PLCL1: variants seen among roughly 807,000 people sequenced by gnomAD.
PLCL1 encodes the protein inactive phospholipase C-like protein 1.
Under a neutral mutation model 84.4 loss-of-function variants are expected in PLCL1, and 41 were observed. The ratio of observed to expected loss-of-function variants is 0.49; its 90% CI spans 0.38 to 0.63. The LOEUF is 0.63. PLCL1 is among the 30% of genes least tolerant of loss of function. PLCL1 has a pLI of 0.00. For missense variants in PLCL1, 1,206 were observed against 1,367.8 expected (o/e 0.88, Z 1.87); for synonymous variants, 490 against 488.3 (o/e 1.00, Z -0.05).
intron 1 of PLCL1, among the ~76,000 whole-genome samples, chr2:197,999,769 G>C (rs1434862645): frequency 1.3e-5 from 2 of 152,170 alleles, no homozygotes; most frequent in Admixed American, 6.5e-5. Flanking sequence ...TGCATATATA[G>C]ATGTGGCTAT....
intron 1 of PLCL1, among the ~76,000 whole-genome samples, chr2:197,968,790 G>A (rs759681070): frequency 6.6e-6 from 1 of 152,200 alleles, no homozygotes; most frequent in African/African-American, 2.4e-5. Flanking sequence ...TCAGAACATA[G>A]TGCAGGTATT....
intron 1 of PLCL1, among the ~76,000 whole-genome samples, chr2:197,947,285 A>T (rs1391023152): frequency 6.7e-6 from 1 of 149,970 alleles, no homozygotes; most frequent in Non-Finnish European, 1.5e-5. Context: ...GTATGAGCAA[A>T]ATAGTGCTTC....
intron 1 of PLCL1, among the ~76,000 whole-genome samples, chr2:198,048,920 G>C (rs1021049643): frequency 3.9e-5 from 6 of 152,218 alleles, no homozygotes; most frequent in South Asian, 4.1e-4. Context: ...CAATGAGCAT[G>C]GTTTGTGTAG....
intron 5 of PLCL1, among the ~76,000 whole-genome samples, chr2:198,107,253 G>A (rs1693498183): frequency 6.6e-6 from 1 of 151,852 alleles, no homozygotes. Context: ...AACAGCATGA[G>A]GATAACCTCC....
In PLCL1 at chr2:197,903,276, C is replaced by T. The variant is rs144425851; in HGVS notation, c.240+97937C>T. Among the ~76,000 whole-genome samples, 790 of 152,170 alleles carry T rather than the reference C, an allele frequency of 5.2e-3. 7 individuals are homozygous for T. The highest frequency in any genetic ancestry group is 0.017 in the African/African-American group (723 of 41,494). On this transcript the variant is annotated intron_variant, in intron 1 of 5. Transcript: ENST00000428675. ...AAAGCAGCCACAGACACTATGCAAA[C>T]GCATGGATTTGCTTATGTTTCAATA...
In PLCL1 at chr2:197,983,200, C is replaced by CTTTTTTT. The variant is rs760577848; in HGVS notation, c.241-100525_241-100519dup. Among the ~76,000 whole-genome samples, 72 of 60,268 alleles carry CTTTTTTT rather than the reference C, an allele frequency of 1.2e-3. 6 individuals are homozygous for CTTTTTTT. The highest frequency in any genetic ancestry group is 1.4e-3 in the Non-Finnish European group (48 of 33,142). 39.5% of individuals were successfully genotyped at this position (60,268 alleles called of 152,430 possible). ...TTTCTTTTTCTTTTTCTTTTCTTTTCTTTTTTTTTTTTTTTTTTTTTTTTT... is the reference window on the plus strand; with the variant it reads ...TTTCTTTTTCTTTTTCTTTTCTTTTCTTTTTTTTTTTTTTTTTTTTTTTTTTTTTTTT... On this transcript the variant is annotated intron_variant, in intron 1 of 5. Coordinates refer to ENST00000428675, the MANE Select transcript of PLCL1 (RefSeq NM_006226.4).
chr2:197,835,787 A>T (rs879561407), intron 1 of PLCL1, among the ~76,000 whole-genome samples: 16 of 152,258 alleles, frequency 1.1e-4, no homozygotes, highest in Non-Finnish European at 1.8e-4. Context: ...TATTAGAAAT[A>T]TAGAATGTTC....
At chr2:198,040,639 C>T (rs1344417207) in intron 1 of PLCL1, among the ~76,000 whole-genome samples, 1 of 152,154 alleles carries the variant, frequency 6.6e-6, no homozygotes. Context: ...AGGTTCTCTT[C>T]ATTTGGCCCC....
chr2:198,082,354 GA>G (rs1392647605), intron 1 of PLCL1, among the ~76,000 whole-genome samples: 18 of 152,166 alleles, frequency 1.2e-4, no homozygotes, highest in African/African-American at 4.1e-4. Context: ...TGAGGCAGGA[GA>G]ATCGCTTGAA....
intron 5 of PLCL1, among the ~76,000 whole-genome samples, chr2:198,137,736 C>T (rs1416773208): frequency 2.0e-5 from 3 of 152,208 alleles, no homozygotes; most frequent in African/African-American, 7.2e-5. Context: ...TCCTAGTCCT[C>T]ACAGCAATAC....
At chr2:198,043,572 C>G (rs989528794) in intron 1 of PLCL1, among the ~76,000 whole-genome samples, 3 of 152,134 alleles carry the variant, frequency 2.0e-5, no homozygotes, top group African/African-American at 7.2e-5. Flanking sequence ...AGGACCATAG[C>G]GGAGAACCAG....
At chr2:198,098,249 C>A (rs1171745574) in intron 3 of PLCL1, among the ~76,000 whole-genome samples, 1 of 152,184 alleles carries the variant, frequency 6.6e-6, no homozygotes, top group African/African-American at 2.4e-5. Context: ...GCAATAGCTT[C>A]TCCAAAGTTC....
In PLCL1 at chr2:198,147,837, G is replaced by A. The variant is rs1418329096; in HGVS notation, c.*875G>A. 1 of 152,232 alleles carries A rather than the reference G, an allele frequency of 6.6e-6. No individual in the cohort carries two copies. The highest frequency in any genetic ancestry group is 1.5e-5 in the Non-Finnish European group (1 of 68,008). 9.4% of individuals were successfully genotyped at this position (152,232 alleles called of 1,614,324 possible). ...CTCATTCTTCCAAGCTGAGAGTCTAGCACTCATTTTCTATAACAGATATGG... is the reference window on the plus strand; with the variant it reads ...CTCATTCTTCCAAGCTGAGAGTCTAACACTCATTTTCTATAACAGATATGG... On this transcript the variant is annotated 3_prime_UTR_variant, in exon 6 of 6. Coordinates refer to ENST00000428675, the MANE Select transcript of PLCL1 (RefSeq NM_006226.4).
chr2:197,888,720 G>A (rs904902771), intron 1 of PLCL1, among the ~76,000 whole-genome samples: 6 of 152,094 alleles, frequency 3.9e-5, no homozygotes. Context: ...AGAAATTTCT[G>A]TCTTCAATTA....
chr2:198,035,726 A>G (rs539873423), intron 1 of PLCL1, among the ~76,000 whole-genome samples: 25 of 152,388 alleles, frequency 1.6e-4, no homozygotes, highest in Non-Finnish European at 3.5e-4. Flanking sequence ...TTACAATAGA[A>G]TTCCAACAAA....
intron 1 of PLCL1, among the ~76,000 whole-genome samples, chr2:198,014,719 T>A (rs62277902): frequency 0.26 from 39,900 of 152,036 alleles, 6,461 homozygotes; most frequent in East Asian, 0.51. Flanking sequence ...TTTTAAATGA[T>A]TGATTCATGG....
chr2:198,137,546 C>T (rs1302036948), intron 5 of PLCL1, among the ~76,000 whole-genome samples: 1 of 152,134 alleles, frequency 6.6e-6, no homozygotes, highest in Non-Finnish European at 1.5e-5. Flanking sequence ...CTCTCCCATA[C>T]CATGTATATC....
chr2:198,120,905 T>C (rs1055704274), intron 5 of PLCL1, among the ~76,000 whole-genome samples: 3 of 152,108 alleles, frequency 2.0e-5, no homozygotes, highest in South Asian at 2.1e-4. Context: ...TTGTTCTCCA[T>C]AGTGGCTGTA....
chr2:198,005,483 A>G (rs1690706834), intron 1 of PLCL1, among the ~76,000 whole-genome samples: 1 of 152,218 alleles, frequency 6.6e-6, no homozygotes. Context: ...TCTTTCTTTC[A>G]CACTTCAGTT....
Sources: gnomAD v4.1 joint callset for allele counts (sites outside exome capture counted in the v4.1 genomes callset) on GRCh38, gnomAD v4.1.1 for gene constraint, MANE v1.5 for transcripts, NCBI Gene and HGNC (gene_info 2026-07-23, HGNC 2026-07-21) for gene names.